ELMO1: variants seen among roughly 807,000 people sequenced by gnomAD.
The protein encoded by ELMO1 is engulfment and cell motility protein 1.
In ELMO1, 26 loss-of-function variants were observed where a neutral mutation model predicts 98.9. The observed-to-expected ratio is 0.26, with a 90% CI of 0.19 to 0.36. ELMO1 has a LOEUF of 0.36. Among genes scored for constraint, ELMO1 ranks in the 10% least tolerant of loss-of-function variants. The pLI is 1.00. For missense variants in ELMO1, 627 were observed against 935.2 expected, an observed-to-expected ratio of 0.67 and a Z score of 4.30; for synonymous variants, 346 against 346.0, an observed-to-expected ratio of 1.00 and a Z score of 0.00.
chr7:37,028,237 T>G (rs1215025050), intron 15 of ELMO1, among the ~76,000 whole-genome samples: 1 of 152,190 alleles, frequency 6.6e-6, no homozygotes, highest in Non-Finnish European at 1.5e-5. Flanking sequence ...GGTATTTTGC[T>G]GCTCACTGGA....
At chr7:37,061,661 G>C (rs2129214102) in intron 15 of ELMO1, among the ~76,000 whole-genome samples, 1 of 152,222 alleles carries the variant, frequency 6.6e-6, no homozygotes, top group East Asian at 1.9e-4. Context: ...ATTTAGCAAT[G>C]GGGTACCCTA....
At chr7:36,861,834 T>A in intron 20 of ELMO1, 98 bp from the exon 21 acceptor site, 1 of 1,172,914 alleles carries the variant, frequency 8.5e-7, no homozygotes, top group African/African-American at 1.5e-5. Flanking sequence ...TAGGGCCAGC[T>A]TGTCTAGCCA....
At chr7:37,235,257 G>A (rs1000207030) in intron 7 of ELMO1, among the ~76,000 whole-genome samples, 9 of 151,952 alleles carry the variant, frequency 5.9e-5, no homozygotes, top group African/African-American at 2.2e-4. Flanking sequence ...AAGAAGAAAA[G>A]AAAGTAAAAA....
chr7:37,282,825 T>A (rs1562580353), intron 4 of ELMO1, among the ~76,000 whole-genome samples: 1 of 152,204 alleles, frequency 6.6e-6, no homozygotes, highest in Non-Finnish European at 1.5e-5. Context: ...GAATTTGTGG[T>A]TTGACTTCTT....
intron 15 of ELMO1, among the ~76,000 whole-genome samples, chr7:37,039,929 T>A (rs1186620608): frequency 6.6e-6 from 1 of 152,212 alleles, no homozygotes; most frequent in East Asian, 1.9e-4. Flanking sequence ...TAAAATGTTA[T>A]CACAGAAAAT....
chr7:37,437,979 C>CAAAAAAAA lies in ELMO1; in HGVS notation c.-74+10688_-74+10695dup, dbSNP rs57418239. ...TGGGCGACAGAGCGAGACTCCGTCTCAAAAAAAAAAAAAAAAAAAAAAGAA... is the reference window on the plus strand; with the variant it reads ...TGGGCGACAGAGCGAGACTCCGTCTCAAAAAAAAAAAAAAAAAAAAAAAAAAAAAAGAA... On this transcript the variant is annotated intron_variant, in intron 1 of 21. Transcript: ENST00000310758. Among the ~76,000 whole-genome samples, 27 of 18,052 alleles carry CAAAAAAAA rather than the reference C, an allele frequency of 1.5e-3. 1 individual carries two copies. The highest frequency in any genetic ancestry group is 3.2e-3 in the African/African-American group (27 of 8,324). 11.8% of individuals were successfully genotyped at this position (18,052 alleles called of 152,430 possible).
intron 5 of ELMO1, among the ~76,000 whole-genome samples, chr7:37,266,786 G>A (rs180935937): frequency 1.3e-5 from 2 of 152,100 alleles, no homozygotes; most frequent in Admixed American, 6.5e-5. Flanking sequence ...GTTGAGGCGA[G>A]CAGATAACTT....
At position 37,368,235 on chromosome 7, in the gene ELMO1, A is replaced by G. The variant is rs187683853; in HGVS notation, c.-73-25472T>C. ...CATTATTCAGATGATATTATTGTCTATCAGAAACTATTAGGATTAATAAGG... is the reference window on the plus strand; with the variant it reads ...CATTATTCAGATGATATTATTGTCTGTCAGAAACTATTAGGATTAATAAGG... On this transcript the variant is annotated intron_variant, in intron 1 of 21. Coordinates refer to ENST00000310758, the MANE Select transcript of ELMO1 (RefSeq NM_014800.11). 7.2e-5 allele frequency among the ~76,000 whole-genome samples: 11 copies of G among 152,334 alleles called. No homozygotes were observed. In the East Asian group the frequency reaches 1.3e-3, roughly 19 times the overall value.
At chr7:37,377,507 G>A (rs1349915215) in intron 1 of ELMO1, among the ~76,000 whole-genome samples, 5 of 152,046 alleles carry the variant, frequency 3.3e-5, no homozygotes, top group South Asian at 4.2e-4. Flanking sequence ...AACAGAGGAC[G>A]GTCACCCCTC....
intron 4 of ELMO1, among the ~76,000 whole-genome samples, chr7:37,296,093 G>C (rs990111422): frequency 3.3e-5 from 5 of 152,142 alleles, no homozygotes; most frequent in Admixed American, 6.6e-5. Flanking sequence ...CCTTTTAGCT[G>C]TCTCCACAGT....
intron 10 of ELMO1, among the ~76,000 whole-genome samples, chr7:37,218,095 GT>G (rs746199117): frequency 1.3e-5 from 2 of 152,228 alleles, no homozygotes; most frequent in South Asian, 4.1e-4. Context: ...ACTGGTGGTG[GT>G]TTTTTTGTTT....
intron 13 of ELMO1, among the ~76,000 whole-genome samples, chr7:37,134,558 C>CAAAAAAAA (rs370768267): frequency 1.1e-5 from 1 of 89,250 alleles, no homozygotes; most frequent in Non-Finnish European, 2.6e-5. Context: ...GACTCCATCT[C>CAAAAAAAA]AAAAAAAAAA....
At chr7:37,391,714 C>G (rs75630613) in intron 1 of ELMO1, among the ~76,000 whole-genome samples, 5 of 152,290 alleles carry the variant, frequency 3.3e-5, no homozygotes, top group South Asian at 2.1e-4. Context: ...TTTCAGGAAC[C>G]TCTTCAGAAA....
At chr7:37,258,311 C>T (rs1291690495) in intron 6 of ELMO1, among the ~76,000 whole-genome samples, 1 of 151,830 alleles carries the variant, frequency 6.6e-6, no homozygotes, top group African/African-American at 2.4e-5. Flanking sequence ...TGTGGTGGCA[C>T]ATGCCTGAAA....
In ELMO1 at chr7:37,365,055, G is replaced by A. The variant is rs142151805; in HGVS notation, c.-73-22292C>T. On this transcript the variant is annotated intron_variant, in intron 1 of 21. Transcript: ENST00000310758. ...ACACGTTTCCATCTGAGCCTGCGGA[G>A]AATGGAAATGCAACAGCAGTTTTCC... 5.2e-3 allele frequency among the ~76,000 whole-genome samples: 792 copies of A among 152,278 alleles called. 5 individuals are homozygous for A. The highest frequency in any genetic ancestry group is 8.4e-3 in the Admixed American group (128 of 15,286).
chr7:36,950,128 A>G (rs578069995), intron 16 of ELMO1, among the ~76,000 whole-genome samples: 192 of 136,572 alleles, frequency 1.4e-3, no homozygotes, highest in African/African-American at 4.9e-3. Flanking sequence ...CTAAACAGAC[A>G]CAGAAAACAA....
intron 18 of ELMO1, among the ~76,000 whole-genome samples, chr7:36,880,485 A>T (rs1421429147): frequency 6.6e-6 from 1 of 152,224 alleles, no homozygotes; most frequent in East Asian, 1.9e-4. Flanking sequence ...GATTTGTAAG[A>T]CTTCGAAAAT....
chr7:37,081,378 A>C (rs1481279639), intron 15 of ELMO1, among the ~76,000 whole-genome samples: 1 of 152,244 alleles, frequency 6.6e-6, no homozygotes, highest in Non-Finnish European at 1.5e-5. Flanking sequence ...TCAGGATATA[A>C]AGTAATATGC....
chr7:37,236,026 C>A lies in ELMO1; in HGVS notation c.450-2832G>T, dbSNP rs556562732. Reference sequence around the variant, plus strand: ...GATCAGGAAACCAGATGACATTAGTCTTCAGTAGCTCCTTTAAAAGCAAAA... The same window carrying A: ...GATCAGGAAACCAGATGACATTAGTATTCAGTAGCTCCTTTAAAAGCAAAA... On this transcript the variant is annotated intron_variant, in intron 7 of 21. Coordinates refer to ENST00000310758, the MANE Select transcript of ELMO1 (RefSeq NM_014800.11). Among the ~76,000 whole-genome samples, 10 of 152,348 alleles carry A rather than the reference C, an allele frequency of 6.6e-5. No individual in the cohort carries two copies. In the South Asian group the frequency reaches 8.3e-4, roughly 13 times the overall value.
Sources: gnomAD v4.1 joint callset for allele counts (sites outside exome capture counted in the v4.1 genomes callset) on GRCh38, gnomAD v4.1.1 for gene constraint, MANE v1.5 for transcripts, NCBI Gene and HGNC (gene_info 2026-07-23, HGNC 2026-07-21) for gene names.